Variants in PABPN1L observed in about 807,000 individuals in gnomAD.
PABPN1L encodes the protein PABPN1 like, cytoplasmic, also known as embryonic polyadenylate-binding protein 2.
Under a neutral mutation model 34.0 loss-of-function variants are expected in PABPN1L, and 45 were observed. The ratio of observed to expected loss-of-function variants is 1.32; its 90% CI spans 1.04 to 1.70. PABPN1L has a LOEUF of 1.70. PABPN1L is among the 40% of genes most tolerant of loss of function. The probability of loss-of-function intolerance (pLI) is 0.00; values close to 1 mark genes in which losing one functional copy is unlikely to be tolerated. For missense variants in PABPN1L, 459 were observed against 367.8 expected, an observed-to-expected ratio of 1.25 and a Z score of -2.03; for synonymous variants, 182 against 152.1, an observed-to-expected ratio of 1.20 and a Z score of -1.45.
chr16:88,865,163 C>T (rs758379026), intron 3 of PABPN1L, 35 bp from the exon 4 acceptor site: 263 of 1,545,274 alleles, frequency 1.7e-4, no homozygotes, highest in South Asian at 2.6e-4. Flanking sequence ...GTGAGGGAGA[C>T]GCCTGGCCCT....
chr16:88,864,483 C>T, intron 5 of PABPN1L, 104 bp from the exon 6 acceptor site: 2 of 1,434,814 alleles, frequency 1.4e-6, no homozygotes, highest in African/African-American at 1.4e-5. Context: ...CTGCCCGGCT[C>T]AGGATACCAT....
intron 6 of PABPN1L, 39 bp from the exon 7 acceptor site, chr16:88,863,834 A>G (rs766632218): frequency 1.7e-5 from 26 of 1,526,220 alleles, no homozygotes; most frequent in African/African-American, 2.7e-5. Context: ...GGCCTTCCAG[A>G]GGAGAAGGGG....
In PABPN1L at chr16:88,863,862, G is replaced by A. The variant is rs561583511; in HGVS notation, c.798-67C>T. Reference sequence around the variant, plus strand: ...AGAAGGGGTGGTGGCCCAGGGCCCCGGGGGACAACAGGATAAGGATGCAGG... The same window carrying A: ...AGAAGGGGTGGTGGCCCAGGGCCCCAGGGGACAACAGGATAAGGATGCAGG... On this transcript the variant is annotated intron_variant, in intron 6 of 6. Transcript: ENST00000419291. The A allele has an allele frequency of 3.9e-5, 56 of 1,452,266 alleles. 1 individual carries two copies. The South Asian group carries it at 4.2e-4, about 11-fold the overall frequency. 90.0% of individuals were successfully genotyped at this position (1,452,266 alleles called of 1,614,324 possible).
chr16:88,864,763 G>C, intron 5 of PABPN1L, 90 bp downstream of exon 5: 1 of 1,366,068 alleles, frequency 7.3e-7, no homozygotes, highest in East Asian at 2.5e-5. Context: ...GCTGTGCAGA[G>C]AGGAGCCAGC....
chr16:88,864,017 T>G (rs1038501980), intron 6 of PABPN1L, among the ~76,000 whole-genome samples: 1 of 147,308 alleles, frequency 6.8e-6, no homozygotes, highest in Admixed American at 6.7e-5. Flanking sequence ...TAGCCCACCC[T>G]GGGGCCTTTG....
exon 7 of PABPN1L, chr16:88,863,748 T>G: frequency 2.0e-6 from 3 of 1,535,976 alleles, no homozygotes; most frequent in Admixed American, 3.9e-5. Flanking sequence ...CAAAATCGGG[T>G]CTTCCCTTTA....
chr16:88,865,937 A>G, exon 2 of PABPN1L: 3 of 1,606,104 alleles, frequency 1.9e-6, no homozygotes, highest in Non-Finnish European at 2.5e-6. Flanking sequence ...GATGGCCTCC[A>G]GCTCCTGCCG....
In PABPN1L at chr16:88,863,770, AC is replaced by A. The variant is rs1968506227; in HGVS notation, c.822del (p.Trp274CysfsTer12). ...GGGTCTTCCCTTTAATACGGTGAAAACCATGGTGAGAATTTTCCACGGGCCC... is the reference window on the plus strand; with the variant it reads ...GGGTCTTCCCTTTAATACGGTGAAAACATGGTGAGAATTTTCCACGGGCCC... On this transcript the variant is annotated frameshift_variant, in exon 7 of 7. Coordinates refer to ENST00000419291, the Ensembl canonical transcript of PABPN1L. LOFTEE classifies it high-confidence loss of function. The A allele has an allele frequency of 6.5e-7, 1 of 1,535,826 alleles. No homozygotes were observed.
intron 3 of PABPN1L, 55 bp from the exon 4 acceptor site, chr16:88,865,183 C>A (rs1003744932): frequency 1.3e-6 from 2 of 1,526,568 alleles, no homozygotes; most frequent in East Asian, 2.5e-5. Context: ...TGACTCGGGG[C>A]CTTCTTGTTA....
chr16:88,864,712 A>C, intron 5 of PABPN1L, 141 bp downstream of exon 5: 1 of 1,011,884 alleles, frequency 9.9e-7, no homozygotes, highest in East Asian at 2.6e-5. Context: ...GGGTCCCGCC[A>C]CATCCTGTCC....
exon 1 of PABPN1L, chr16:88,866,437 G>A: frequency 6.4e-7 from 1 of 1,551,514 alleles, no homozygotes; most frequent in African/African-American, 1.4e-5. Context: ...GTCTTCCTCT[G>A]CATCCTCTTC....
At chr16:88,864,748 GAC>G in intron 5 of PABPN1L, 103 bp downstream of exon 5, 1 of 1,261,334 alleles carries the variant, frequency 7.9e-7, no homozygotes, top group Non-Finnish European at 1.1e-6. Context: ...CCGTGCCTGA[GAC>G]ACGCTGTGCA....
chr16:88,865,995 A>G lies in PABPN1L; in HGVS notation c.256-54T>C. 2.0e-6 allele frequency: 3 copies of G among 1,525,222 alleles called. No homozygotes were observed. The Admixed American group carries it at 6.0e-5, about 30-fold the overall frequency. The allele number at this position is 1,525,222 out of a possible 1,614,324, so 94.5% of individuals were successfully genotyped here. ...GGCAGCCTGCAGGCTCTGCTCAAGG[A>G]AGGTGGGTGTGTGGCCTGCCAGCTC... On this transcript the variant is annotated intron_variant, in intron 1 of 6. Transcript: ENST00000419291.
At chr16:88,866,749 G>A, upstream of PABPN1L, 2 of 1,207,944 alleles carry the variant, frequency 1.7e-6, no homozygotes, top group Non-Finnish European at 2.2e-6. Context: ...AGGCTGAGTG[G>A]GGCTGAGCTT....
chr16:88,865,107 C>A lies in PABPN1L; in HGVS notation c.481G>T (p.Glu161Ter), dbSNP rs141666111. The A allele has an allele frequency of 6.3e-7, 1 of 1,581,234 alleles. No individual in the cohort carries two copies. Among genetic ancestry groups the A allele is most frequent in the Admixed American group, 1.8e-5 (1 of 55,818 alleles). The change falls in exon 4 of 7, where the codon GAG (glutamate) becomes TAG (stop). Residue 161 changes from glutamate (E) to a stop codon, truncating the protein, a stop_gained. Coordinates refer to ENST00000419291, the Ensembl canonical transcript of PABPN1L. LOFTEE classifies it high-confidence loss of function. ...CGGCTGAAGTGGGCCTCCAGCTCCT[C>A]GGCGGAGCCCCCGTAGTCCACCTGC...
At position 88,864,946 on chromosome 16, in the gene PABPN1L, G is replaced by A. The variant is rs1244597979; in HGVS notation, c.567-6C>T. On this transcript the variant is annotated splice_polypyrimidine_tract_variant and splice_region_variant and intron_variant, in intron 4 of 6. Transcript: ENST00000419291. ...CAAACTCTATGTAGGCATAACTGAGGGGAGGGGCAGGGAGGGGAGGGGTGA... is the reference window on the plus strand; with the variant it reads ...CAAACTCTATGTAGGCATAACTGAGAGGAGGGGCAGGGAGGGGAGGGGTGA... The A allele has an allele frequency of 2.5e-6, 4 of 1,574,150 alleles. No homozygotes were observed. Among genetic ancestry groups the A allele is most frequent in the South Asian group, 1.1e-5 (1 of 89,430 alleles).
At chr16:88,866,622 G>A, upstream of PABPN1L, 2 of 1,524,376 alleles carry the variant, frequency 1.3e-6, no homozygotes, top group Non-Finnish European at 1.8e-6. Context: ...AGGGGCAGGA[G>A]GAAGGTGGGC....
At chr16:88,864,745 T>C in intron 5 of PABPN1L, 108 bp downstream of exon 5, 1 of 1,242,336 alleles carries the variant, frequency 8.0e-7, no homozygotes, top group Non-Finnish European at 1.1e-6. Flanking sequence ...GCACCGTGCC[T>C]GAGACACGCT....
chr16:88,866,698 C>A, upstream of PABPN1L: 4 of 1,432,598 alleles, frequency 2.8e-6, no homozygotes, highest in Non-Finnish European at 3.7e-6. Flanking sequence ...GAGTTTTAAG[C>A]CCTCCCCTGA....
Sources: allele counts gnomAD v4.1 joint callset (sites outside exome capture counted in the v4.1 genomes callset), GRCh38; gene constraint gnomAD v4.1.1; transcripts MANE v1.5; gene names NCBI Gene and HGNC (gene_info 2026-07-23, HGNC 2026-07-21).